FAP: variants seen among roughly 807,000 people sequenced by gnomAD.
The protein encoded by FAP is prolyl endopeptidase FAP.
A neutral mutation model predicts 126.5 loss-of-function variants in FAP; 110 were observed. That is an observed-to-expected ratio of 0.87 (90% CI 0.74 to 1.02). FAP has a LOEUF of 1.02. Ranked by LOEUF, FAP falls within the 50% of genes least tolerant of loss-of-function variation. The probability of loss-of-function intolerance (pLI) is 0.00; values close to 1 mark genes in which losing one functional copy is unlikely to be tolerated. For synonymous variants in FAP, 334 were observed against 297.3 expected, an observed-to-expected ratio of 1.12 and a Z score of -1.27; for missense variants, 919 against 909.2, an observed-to-expected ratio of 1.01 and a Z score of -0.14.
chr2:162,184,492 T>C (rs1687797177), intron 20 of FAP, among the ~76,000 whole-genome samples: 1 of 152,234 alleles, frequency 6.6e-6, no homozygotes, highest in Non-Finnish European at 1.5e-5. Flanking sequence ...CGCTCTTGCA[T>C]TGATTCAACA....
rs549114311 is a variant in FAP at position 162,194,618 on chromosome 2, A to G, written c.1450+83T>C. Reference sequence around the variant, plus strand: ...GCAGTTCCCCTTGGTGGTGTGGAGAAACTGTCCTGCTTTCTCTAGCGGAGC... The same window carrying G: ...GCAGTTCCCCTTGGTGGTGTGGAGAGACTGTCCTGCTTTCTCTAGCGGAGC... On this transcript the variant is annotated intron_variant, in intron 17 of 25. Transcript: ENST00000188790. The G allele has an allele frequency of 1.6e-4, 200 of 1,250,564 alleles. 4 individuals are homozygous for G. The South Asian group carries it at 2.3e-3, about 14-fold the overall frequency. The allele number at this position is 1,250,564 out of a possible 1,614,324, so 77.5% of individuals were successfully genotyped here.
intron 16 of FAP, chr2:162,197,558 T>C (rs1168051420): frequency 1.1e-5 from 5 of 456,556 alleles, no homozygotes; most frequent in African/African-American, 2.0e-5. Flanking sequence ...GAAAGTGTTA[T>C]TTCAAACTGA....
intron 16 of FAP, among the ~76,000 whole-genome samples, chr2:162,195,304 G>T (rs1210488825): frequency 6.6e-6 from 1 of 152,034 alleles, no homozygotes; most frequent in Non-Finnish European, 1.5e-5. Context: ...GTTTGTGGGG[G>T]TGGTATTGGG....
chr2:162,208,541 A>T (rs990587832), intron 12 of FAP, among the ~76,000 whole-genome samples: 3 of 152,186 alleles, frequency 2.0e-5, no homozygotes, highest in African/African-American at 7.2e-5. Flanking sequence ...TGTATAGTAA[A>T]TCTAGTTATA....
At chr2:162,231,221 G>A (rs1689890016) in intron 2 of FAP, among the ~76,000 whole-genome samples, 1 of 152,114 alleles carries the variant, frequency 6.6e-6, no homozygotes, top group South Asian at 2.1e-4. Flanking sequence ...GTATGTGTGT[G>A]TCTGTGTGTA....
intron 2 of FAP, among the ~76,000 whole-genome samples, chr2:162,227,722 G>A (rs897903508): frequency 1.2e-4 from 19 of 152,130 alleles, no homozygotes; most frequent in African/African-American, 3.9e-4. Flanking sequence ...ACCGGCTGGT[G>A]TGGGGCAGTC....
Position 162,198,682 on chromosome 2 carries a change from T to C in FAP, c.1402+75A>G, listed in dbSNP as rs1447996893. The C allele has an allele frequency of 3.9e-6, 6 of 1,522,346 alleles. No homozygotes were observed. The Admixed American group carries it at 9.0e-5, about 23-fold the overall frequency. The allele number at this position is 1,522,346 out of a possible 1,614,324, so 94.3% of individuals were successfully genotyped here. A position where few individuals can be genotyped will look rare whatever the true frequency, so the allele number is the denominator to read the frequency against. On this transcript the variant is annotated intron_variant, in intron 16 of 25. Transcript: ENST00000188790. The stretch of plus-strand genomic sequence containing the variant: ...AATGCTCATTAACTGTAGCTACGAA[T>C]TGATCAGATAGAGGTGAGGAGGATG...
chr2:162,188,322 G>A lies in FAP; in HGVS notation c.1661C>T (p.Ala554Val). The A allele has an allele frequency of 6.2e-7, 1 of 1,613,076 alleles. No individual in the cohort carries two copies. The highest frequency in any genetic ancestry group is 1.1e-5 in the South Asian group (1 of 91,032). The change falls in exon 20 of 26, where the codon GCT becomes GTT. Residue 554 changes from alanine to valine, a missense_variant. Physicochemically the swap from Ala to Val is moderately conservative, Grantham distance 64. Coordinates refer to ENST00000188790, the MANE Select transcript of FAP (RefSeq NM_004460.5). Reference protein sequence around the residue: ...PCSQSVRSVFAVNWISYLASK... With the variant: ...PCSQSVRSVFVVNWISYLASK... ...TGCAAGATAAGATATCCAATTAACA[G>A]CAAATACAGACCTTACACTCTGACT...
chr2:162,233,575 T>A (rs1460821898), intron 2 of FAP, among the ~76,000 whole-genome samples: 1 of 152,168 alleles, frequency 6.6e-6, no homozygotes, highest in African/African-American at 2.4e-5. Flanking sequence ...TATTTATCTT[T>A]TTATTATTGA....
At chr2:162,200,643 T>C in intron 14 of FAP, 24 bp from the exon 15 acceptor site, 1 of 1,056,846 alleles carries the variant, frequency 9.5e-7, no homozygotes, top group Non-Finnish European at 1.4e-6. Flanking sequence ...CAGAAATTAT[T>C]AAGTATTGAT....
rs1688769618 is a variant in FAP, at chr2:162,207,860, G to A, written c.1047+2092C>T. 2.0e-5 allele frequency among the ~76,000 whole-genome samples: 3 copies of A among 151,408 alleles called. No individual in the cohort carries two copies. The South Asian group carries it at 6.3e-4, about 32-fold the overall frequency. ...TGAGTAGCTGGGACTACAGGCGCCCGCCACCATGCCCGGCTAATTTTTTTG... is the reference window on the plus strand; with the variant it reads ...TGAGTAGCTGGGACTACAGGCGCCCACCACCATGCCCGGCTAATTTTTTTG... On this transcript the variant is annotated intron_variant, in intron 12 of 25. Transcript: ENST00000188790.
chr2:162,192,889 C>A (rs111657048), intron 17 of FAP, among the ~76,000 whole-genome samples: 3 of 152,116 alleles, frequency 2.0e-5, no homozygotes, highest in Admixed American at 2.0e-4. Context: ...CATTTCCTAA[C>A]CCCCCAAACC....
At chr2:162,192,564 T>C (rs1688088935) in intron 17 of FAP, among the ~76,000 whole-genome samples, 1 of 152,152 alleles carries the variant, frequency 6.6e-6, no homozygotes, top group Non-Finnish European at 1.5e-5. Context: ...ACTCGGCTCA[T>C]ATCATCCACT....
At chr2:162,207,696 T>C (rs1211197953) in intron 12 of FAP, among the ~76,000 whole-genome samples, 2 of 151,008 alleles carry the variant, frequency 1.3e-5, no homozygotes, top group South Asian at 2.1e-4. Context: ...AGGAGACATA[T>C]GTGCCTCCAC....
intron 2 of FAP, among the ~76,000 whole-genome samples, chr2:162,227,191 A>G (rs150647786): frequency 1.5e-3 from 233 of 152,284 alleles, no homozygotes; most frequent in African/African-American, 5.3e-3. Flanking sequence ...GAATGTAGGT[A>G]ATTTTCTCAT....
intron 20 of FAP, among the ~76,000 whole-genome samples, chr2:162,187,673 C>T (rs1240302747): frequency 2.6e-5 from 4 of 151,990 alleles, no homozygotes; most frequent in Admixed American, 1.3e-4. Context: ...TTTTGTCAAA[C>T]GAAAATAGGC....
chr2:162,190,202 A>G (rs1687989420), intron 17 of FAP, among the ~76,000 whole-genome samples: 1 of 152,030 alleles, frequency 6.6e-6, no homozygotes, highest in South Asian at 2.1e-4. Context: ...TTGCTTTTTA[A>G]TTTTTAATGT....
chr2:162,189,018 A>G, intron 19 of FAP, 85 bp downstream of exon 19: 1 of 804,568 alleles, frequency 1.2e-6, no homozygotes, highest in Non-Finnish European at 2.0e-6. Flanking sequence ...TACCAAGGAG[A>G]ATGGTTCATT....
intron 12 of FAP, among the ~76,000 whole-genome samples, chr2:162,206,178 G>GAGGT (rs755792600): frequency 2.5e-4 from 38 of 152,310 alleles, no homozygotes; most frequent in Non-Finnish European, 5.1e-4. Flanking sequence ...AAGAGAGTGT[G>GAGGT]AAATATGTCC....
Sources: gnomAD v4.1 joint callset for allele counts (sites outside exome capture counted in the v4.1 genomes callset) on GRCh38, gnomAD v4.1.1 for gene constraint, MANE v1.5 for transcripts, NCBI Gene and HGNC (gene_info 2026-07-23, HGNC 2026-07-21) for gene names.